Variants in VWA3B observed in about 807,000 individuals in gnomAD.
VWA3B encodes the protein von Willebrand factor A domain-containing protein 3B.
Under a neutral mutation model 158.3 loss-of-function variants are expected in VWA3B, and 138 were observed. The ratio of observed to expected loss-of-function variants is 0.87; its 90% CI spans 0.76 to 1.00. The LOEUF is 1.00. VWA3B is among the 50% of genes least tolerant of loss of function. VWA3B has a pLI of 0.00. For missense variants in VWA3B, 1,555 were observed against 1,565.1 expected, an observed-to-expected ratio of 0.99 and a Z score of 0.11; for synonymous variants, 596 against 587.3, an observed-to-expected ratio of 1.01 and a Z score of -0.21.
chr2:98,093,464 G>C (rs1037675837), intron 2 of VWA3B, among the ~76,000 whole-genome samples, 176 bp downstream of exon 2: 1 of 152,078 alleles, frequency 6.6e-6, no homozygotes, highest in African/African-American at 2.4e-5. Flanking sequence ...TTAAGTAGAC[G>C]TACAATTGTC....
intron 7 of VWA3B, among the ~76,000 whole-genome samples, chr2:98,143,237 C>T (rs1449472667): frequency 6.6e-6 from 1 of 152,092 alleles, no homozygotes; most frequent in East Asian, 1.9e-4. Flanking sequence ...CGAGGTTTCA[C>T]CATGTTGGGC....
intron 6 of VWA3B, among the ~76,000 whole-genome samples, chr2:98,130,655 T>C (rs1675789095): frequency 6.6e-6 from 1 of 152,226 alleles, no homozygotes; most frequent in Non-Finnish European, 1.5e-5. Flanking sequence ...CCTTAATCCA[T>C]TTAACCCTGA....
At chr2:98,143,664 C>A (rs1022505083) in intron 7 of VWA3B, among the ~76,000 whole-genome samples, 2 of 151,768 alleles carry the variant, frequency 1.3e-5, no homozygotes, top group African/African-American at 4.8e-5. Context: ...TGGAGTCAGA[C>A]CTGTATGAAT....
At chr2:98,170,046 A>G (rs1413556014) in intron 8 of VWA3B, among the ~76,000 whole-genome samples, 1 of 152,024 alleles carries the variant, frequency 6.6e-6, no homozygotes, top group Non-Finnish European at 1.5e-5. Context: ...GCTTGAGTTG[A>G]GAAGTGGGGA....
chr2:98,090,439 G>A (rs185380929), intron 1 of VWA3B, among the ~76,000 whole-genome samples: 37 of 152,270 alleles, frequency 2.4e-4, no homozygotes, highest in Non-Finnish European at 4.7e-4. Flanking sequence ...GCTTATCCAC[G>A]CATAACTTAT....
chr2:98,289,505 T>C (rs1268704716), intron 22 of VWA3B, among the ~76,000 whole-genome samples: 2 of 152,236 alleles, frequency 1.3e-5, no homozygotes, highest in East Asian at 3.8e-4. Flanking sequence ...CACTGACTTC[T>C]AGCATCCACT....
At chr2:98,149,846 A>C (rs1283437340) in intron 7 of VWA3B, among the ~76,000 whole-genome samples, 6 of 152,250 alleles carry the variant, frequency 3.9e-5, no homozygotes, top group Non-Finnish European at 5.9e-5. Flanking sequence ...GAAAGTTTTC[A>C]AAGTACTTTG....
intron 6 of VWA3B, among the ~76,000 whole-genome samples, chr2:98,129,228 T>A (rs28771684): frequency 0.093 from 5,575 of 60,132 alleles, 134 homozygotes; most frequent in African/African-American, 0.19. Flanking sequence ...AGAGAGAGTG[T>A]GTGTGTGTGT....
At chr2:98,135,794 C>T (rs1457806898) in intron 7 of VWA3B, among the ~76,000 whole-genome samples, 2 of 152,138 alleles carry the variant, frequency 1.3e-5, no homozygotes, top group African/African-American at 4.8e-5. Context: ...CATTTCAAAG[C>T]CTACCTCTCC....
chr2:98,110,238 G>A (rs558202142), intron 2 of VWA3B, among the ~76,000 whole-genome samples: 1 of 150,916 alleles, frequency 6.6e-6, no homozygotes, highest in South Asian at 2.1e-4. Context: ...GTCTAGATTG[G>A]GTAATTTTTA....
At chr2:98,112,723 C>G (rs1196881692) in intron 2 of VWA3B, among the ~76,000 whole-genome samples, 1 of 151,754 alleles carries the variant, frequency 6.6e-6, no homozygotes, top group Non-Finnish European at 1.5e-5. Context: ...ATTATTTCTT[C>G]TAATCTATTT....
At position 98,307,148 on chromosome 2, in the gene VWA3B, G is replaced by A. The variant is rs546037228; in HGVS notation, c.3521+3346G>A. Among the ~76,000 whole-genome samples, 62 of 152,158 alleles carry A rather than the reference G, an allele frequency of 4.1e-4. 2 individuals are homozygous for A. The highest frequency in any genetic ancestry group is 1.1e-3 in the African/African-American group (46 of 41,518). On this transcript the variant is annotated intron_variant, in intron 26 of 27. Coordinates refer to ENST00000477737, the MANE Select transcript of VWA3B (RefSeq NM_144992.5). ...TTCCTGTTAGAAATGCTTATTCCCC[G>A]GTGCTATAAAGAAATAGCACTTGAA...
intron 21 of VWA3B, among the ~76,000 whole-genome samples, chr2:98,262,170 G>A (rs1002089182): frequency 2.6e-5 from 4 of 151,590 alleles, no homozygotes; most frequent in African/African-American, 9.7e-5. Flanking sequence ...ATATATTCTG[G>A]ACATTAACCC....
chr2:98,301,787 A>G (rs1378840522), intron 25 of VWA3B, among the ~76,000 whole-genome samples: 1 of 152,144 alleles, frequency 6.6e-6, no homozygotes, highest in Admixed American at 6.5e-5. Flanking sequence ...ATATGCAGCC[A>G]ATAGTTTTCC....
chr2:98,217,833 C>T lies in VWA3B; in HGVS notation c.1837-13C>T, dbSNP rs370752512. The stretch of plus-strand genomic sequence containing the variant: ...CATCTCCCTTCCCCCATCCCCAAAA[C>T]TTATCGTTTCAGCCACCTGAAACAG... On this transcript the variant is annotated splice_polypyrimidine_tract_variant and intron_variant, in intron 13 of 27. Transcript: ENST00000477737. The T allele has an allele frequency of 5.8e-6, 9 of 1,564,374 alleles. No homozygotes were observed. The African/African-American group carries it at 8.3e-5, about 14-fold the overall frequency.
Position 98,133,876 on chromosome 2 carries a change from A to G in VWA3B, c.925A>G (p.Thr309Ala), listed in dbSNP as rs1436252567. Residue 309 changes from threonine (T) to alanine (A), a missense_variant, in exon 7 of 28, where the codon ACA (threonine) becomes GCA (alanine). Coordinates refer to ENST00000477737, the MANE Select transcript of VWA3B (RefSeq NM_144992.5). ...TECVEFPAFSTKDGDNVMTWN... is the reference protein window; with the variant it reads ...TECVEFPAFSAKDGDNVMTWN... The stretch of plus-strand genomic sequence containing the variant: ...GTGTGTAGAATTTCCTGCATTCTCC[A>G]CAAAGGATGGTGACAATGTGATGAC... 6.2e-7 allele frequency: 1 copy of G among 1,614,156 alleles called. No individual in the cohort carries two copies. Among genetic ancestry groups the G allele is most frequent in the East Asian group, 2.2e-5 (1 of 44,882 alleles).
chr2:98,157,051 T>C (rs1678146722), intron 7 of VWA3B, among the ~76,000 whole-genome samples: 1 of 152,226 alleles, frequency 6.6e-6, no homozygotes, highest in African/African-American at 2.4e-5. Flanking sequence ...CAGTGTGCCA[T>C]TTAAATGAAT....
At chr2:98,119,488 G>GT (rs759904789) in intron 3 of VWA3B, 25 bp from the exon 4 acceptor site, 2 of 1,610,440 alleles carry the variant, frequency 1.2e-6, no homozygotes, top group African/African-American at 1.3e-5. Flanking sequence ...TTGTTTTATT[G>GT]TTTTTGTCTT....
chr2:98,327,149 C>G, the VWA3B span, among the ~76,000 whole-genome samples: 1 of 151,832 alleles, frequency 6.6e-6, no homozygotes, highest in Non-Finnish European at 1.5e-5. Flanking sequence ...CAAAACTAGC[C>G]AGGCATGGTG....
Sources: allele counts gnomAD v4.1 joint callset (sites outside exome capture counted in the v4.1 genomes callset), GRCh38; gene constraint gnomAD v4.1.1; transcripts MANE v1.5; gene names NCBI Gene and HGNC (gene_info 2026-07-23, HGNC 2026-07-21).